The following LY6K variants were observed in gnomAD, a reference collection of about 807,000 sequenced individuals.
The protein encoded by LY6K is lymphocyte antigen 6 family member K, also known as lymphocyte antigen 6K.
LY6K carries 9 observed loss-of-function variants against 10.4 expected under a neutral mutation model. The observed-to-expected ratio is 0.87, with a 90% CI of 0.52 to 1.52. The LOEUF is 1.52. Ranked by LOEUF, LY6K falls within the 40% of genes most tolerant of loss-of-function variation. The probability of loss-of-function intolerance (pLI) is 0.00; values close to 1 mark genes in which losing one functional copy is unlikely to be tolerated. For missense variants in LY6K, 217 were observed against 211.7 expected, an observed-to-expected ratio of 1.02 and a Z score of -0.15; for synonymous variants, 98 against 83.7, an observed-to-expected ratio of 1.17 and a Z score of -0.94.
intron 2 of LY6K, chr8:142,702,381 T>A: frequency 1.1e-6 from 1 of 930,576 alleles, no homozygotes; most frequent in African/African-American, 1.6e-5. Flanking sequence ...CAAAGGAGGG[T>A]GCATGCCTTA....
At chr8:142,701,376 C>A (rs1482133093) in intron 1 of LY6K, among the ~76,000 whole-genome samples, 1 of 152,186 alleles carries the variant, frequency 6.6e-6, no homozygotes, top group Non-Finnish European at 1.5e-5. Context: ...AGGGCACTTA[C>A]AATCATGGGG....
chr8:142,700,542 C>A lies in LY6K; in HGVS notation c.15C>A (p.Ala5=). 1 of 1,583,978 alleles carries A rather than the reference C, an allele frequency of 6.3e-7. No homozygotes were observed. The highest frequency in any genetic ancestry group is 8.6e-7 in the Non-Finnish European group (1 of 1,167,438). Residue 5 remains alanine, a synonymous_variant, in exon 1 of 3, where the codon GCC becomes GCA. Coordinates refer to ENST00000292430, the MANE Select transcript of LY6K (RefSeq NM_017527.4). MALL[A]LLLVVALPRV... The stretch of plus-strand genomic sequence containing the variant: ...CGCTGGGGACGATGGCGCTGCTCGC[C>A]TTGCTGCTGGTCGTGGCCCTACCGC...
chr8:142,701,830 T>C, intron 2 of LY6K, 117 bp downstream of exon 2: 1 of 686,494 alleles, frequency 1.5e-6, no homozygotes, highest in South Asian at 1.7e-5. Context: ...GCCTTTTTTT[T>C]TTTTTATTTT....
chr8:142,700,588 C>G lies in LY6K; in HGVS notation c.61C>G (p.Leu21Val). Residue 21 changes from leucine (L) to valine (V), a missense_variant, in exon 1 of 3, where the codon CTG (leucine) becomes GTG (valine). Leu to Val is a conservative substitution (Grantham distance 32). Coordinates refer to ENST00000292430, the MANE Select transcript of LY6K (RefSeq NM_017527.4). ...ALPRVWTDAN[L>V]TARQRDPEDS... ...ACCGCGGGTGTGGACAGACGCCAAC[C>G]TGACTGCGAGACAACGAGATCCAGA... The G allele has an allele frequency of 2.5e-6, 4 of 1,579,196 alleles. No homozygotes were observed. The highest frequency in any genetic ancestry group is 3.4e-6 in the Non-Finnish European group (4 of 1,165,186).
At chr8:142,702,021 T>A in intron 2 of LY6K, 1 of 308,408 alleles carries the variant, frequency 3.2e-6, no homozygotes, top group Non-Finnish European at 6.1e-6. Context: ...TTGGTCAGGC[T>A]GGTCTCGAAC....
In LY6K at chr8:142,704,295, G is replaced by A. The variant is rs1255527343; in HGVS notation, c.*924G>A. The A allele has an allele frequency of 2.0e-5, 3 of 152,302 alleles. No homozygotes were observed. The highest frequency in any genetic ancestry group is 6.8e-3 in the Middle Eastern group (2 of 294). 9.4% of individuals were successfully genotyped at this position (152,302 alleles called of 1,614,324 possible). The stretch of plus-strand genomic sequence containing the variant: ...CATCCCTAAAGAATTGGGCACCCTG[G>A]GAATTTAACCATGCCACTTCAGTCT... On this transcript the variant is annotated 3_prime_UTR_variant, in exon 3 of 3. Coordinates refer to ENST00000292430, the MANE Select transcript of LY6K (RefSeq NM_017527.4).
Position 142,703,008 on chromosome 8 carries a change from A to G in LY6K, c.218-83A>G, listed in dbSNP as rs781922200. 37 of 1,584,434 alleles carry G rather than the reference A, an allele frequency of 2.3e-5. No individual in the cohort carries two copies. In the African/African-American group the frequency reaches 3.9e-4, roughly 17 times the overall value. On this transcript the variant is annotated intron_variant, in intron 2 of 2. Coordinates refer to ENST00000292430, the MANE Select transcript of LY6K (RefSeq NM_017527.4). The stretch of plus-strand genomic sequence containing the variant: ...CCTTTGAGCAGGGCCGCCAGGGGTG[A>G]GGCTTTGACCCAGACAGAAGGGCCT...
Position 142,700,165 on chromosome 8 carries a change from G to A in LY6K, c.-363G>A, listed in dbSNP as rs1340905914. The A allele has an allele frequency of 2.0e-5, 5 of 249,600 alleles. No individual in the cohort carries two copies. The highest frequency in any genetic ancestry group is 3.4e-5 in the Non-Finnish European group (5 of 146,070). 15.5% of individuals were successfully genotyped at this position (249,600 alleles called of 1,614,324 possible). A position where few individuals can be genotyped will look rare whatever the true frequency, so the allele number is the denominator to read the frequency against. On this transcript the variant is annotated 5_prime_UTR_variant, in exon 1 of 3. Transcript: ENST00000292430. ...AGCGGAGAAGATCCCCTACCTGGCC[G>A]CCGGCCACTTTCTGTGGGCCGTGGG...
In LY6K at chr8:142,700,595, C is replaced by T; in HGVS notation, c.68C>T (p.Ala23Val). 6.4e-7 allele frequency: 1 copy of T among 1,573,828 alleles called. No homozygotes were observed. Among genetic ancestry groups the T allele is most frequent in the Non-Finnish European group, 8.6e-7 (1 of 1,162,558 alleles). Reference protein sequence around the residue: ...PRVWTDANLTARQRDPEDSQR... With the variant: ...PRVWTDANLTVRQRDPEDSQR... ...GTGTGGACAGACGCCAACCTGACTGCGAGACAACGAGATCCAGAGGACTCC... is the reference window on the plus strand; with the variant it reads ...GTGTGGACAGACGCCAACCTGACTGTGAGACAACGAGATCCAGAGGACTCC... Residue 23 changes from alanine to valine, a missense_variant, in exon 1 of 3, where the codon GCG becomes GTG. Transcript: ENST00000292430.
In LY6K at chr8:142,704,925, T is replaced by C. The variant is rs1554640706; in HGVS notation, c.*1554T>C. The C allele has an allele frequency of 1.3e-5, 2 of 152,220 alleles. No homozygotes were observed. The highest frequency in any genetic ancestry group is 2.9e-5 in the Non-Finnish European group (2 of 68,040). The allele number at this position is 152,220 out of a possible 1,614,324, so 9.4% of individuals were successfully genotyped here. A position where few individuals can be genotyped will look rare whatever the true frequency, so the allele number is the denominator to read the frequency against. On this transcript the variant is annotated 3_prime_UTR_variant, in exon 3 of 3. Coordinates refer to ENST00000292430, the MANE Select transcript of LY6K (RefSeq NM_017527.4). Reference sequence around the variant, plus strand: ...GTGGACAGTTTACTCAACTTTAATTTCAGTCAGAATTGTGTAAGCTGAACA... The same window carrying C: ...GTGGACAGTTTACTCAACTTTAATTCCAGTCAGAATTGTGTAAGCTGAACA...
chr8:142,702,386 G>A, intron 2 of LY6K: 1 of 1,024,370 alleles, frequency 9.8e-7, no homozygotes, highest in Non-Finnish European at 1.5e-6. Flanking sequence ...GAGGGTGCAT[G>A]CCTTAAAAAT....
At chr8:142,701,255 A>C (rs1034793522) in intron 1 of LY6K, among the ~76,000 whole-genome samples, 25 of 152,344 alleles carry the variant, frequency 1.6e-4, no homozygotes, top group African/African-American at 5.8e-4. Flanking sequence ...AAAATCACTC[A>C]GAATGTAAAG....
At chr8:142,702,757 G>A in intron 2 of LY6K, 1 of 1,484,262 alleles carries the variant, frequency 6.7e-7, no homozygotes, top group Non-Finnish European at 9.0e-7. Flanking sequence ...TGGCCAGAAT[G>A]GCTGGGAGTC....
chr8:142,702,347 G>C, intron 2 of LY6K: 1 of 672,612 alleles, frequency 1.5e-6, no homozygotes. Flanking sequence ...CAAAACCAAG[G>C]TGTACAGCCT....
chr8:142,703,623 G>GT lies in LY6K; in HGVS notation c.*253dup. 1 of 511,978 alleles carries GT rather than the reference G, an allele frequency of 2.0e-6. No individual in the cohort carries two copies. Among genetic ancestry groups the GT allele is most frequent in the South Asian group, 2.8e-5 (1 of 35,304 alleles). 31.7% of individuals were successfully genotyped at this position (511,978 alleles called of 1,614,324 possible). On this transcript the variant is annotated 3_prime_UTR_variant, in exon 3 of 3. Coordinates refer to ENST00000292430, the MANE Select transcript of LY6K (RefSeq NM_017527.4). ...GTTTTTCTCTTTGAAATCAAACCTTGTAACTCATTTATTGCTGATGGCCAC... is the reference window on the plus strand; with the variant it reads ...GTTTTTCTCTTTGAAATCAAACCTTGTTAACTCATTTATTGCTGATGGCCAC...
In LY6K at chr8:142,700,587, C is replaced by T; in HGVS notation, c.60C>T (p.Asn20=). The change falls in exon 1 of 3, where the codon AAC becomes AAT. Residue 20 remains asparagine, a synonymous_variant. Coordinates refer to ENST00000292430, the MANE Select transcript of LY6K (RefSeq NM_017527.4). ...VALPRVWTDA[N]LTARQRDPED... ...TACCGCGGGTGTGGACAGACGCCAACCTGACTGCGAGACAACGAGATCCAG... is the reference window on the plus strand; with the variant it reads ...TACCGCGGGTGTGGACAGACGCCAATCTGACTGCGAGACAACGAGATCCAG... 1 of 1,579,710 alleles carries T rather than the reference C, an allele frequency of 6.3e-7. No homozygotes were observed. Among genetic ancestry groups the T allele is most frequent in the South Asian group, 1.2e-5 (1 of 86,942 alleles).
At position 142,703,529 on chromosome 8, in the gene LY6K, A is replaced by T. The variant is rs1192343961; in HGVS notation, c.*158A>T. 7 of 812,176 alleles carry T rather than the reference A, an allele frequency of 8.6e-6. No individual in the cohort carries two copies. Among genetic ancestry groups the T allele is most frequent in the Non-Finnish European group, 1.3e-5 (7 of 532,790 alleles). The allele number at this position is 812,176 out of a possible 1,614,324, so 50.3% of individuals were successfully genotyped here. A position where few individuals can be genotyped will look rare whatever the true frequency, so the allele number is the denominator to read the frequency against. On this transcript the variant is annotated 3_prime_UTR_variant, in exon 3 of 3. Transcript: ENST00000292430. ...GGGGATCAGGTGCAGTTGGCTCTTA[A>T]CCCTCAAGGGTTCTTTAACTCACAT... is the stretch of plus-strand genomic sequence containing the variant.
Position 142,700,282 on chromosome 8 carries a change from C to T in LY6K, c.-246C>T. 2.5e-6 allele frequency: 3 copies of T among 1,202,708 alleles called. No individual in the cohort carries two copies. Among genetic ancestry groups the T allele is most frequent in the Non-Finnish European group, 3.1e-6 (3 of 960,500 alleles). 74.5% of individuals were successfully genotyped at this position (1,202,708 alleles called of 1,614,324 possible). A position where few individuals can be genotyped will look rare whatever the true frequency, so the allele number is the denominator to read the frequency against. ...GCGCCCGTTCCTGCCTGGCCGCCGG[C>T]CGCTCCAACAGCAGCACAAGGCGGG... On this transcript the variant is annotated 5_prime_UTR_variant, in exon 1 of 3. Coordinates refer to ENST00000292430, the MANE Select transcript of LY6K (RefSeq NM_017527.4).
In LY6K at chr8:142,703,649, T is replaced by C. The variant is rs1454217670; in HGVS notation, c.*278T>C. 4.6e-6 allele frequency: 2 copies of C among 438,784 alleles called. No individual in the cohort carries two copies. The highest frequency in any genetic ancestry group is 8.2e-6 in the Non-Finnish European group (2 of 244,366). The allele number at this position is 438,784 out of a possible 1,614,324, so 27.2% of individuals were successfully genotyped here. On this transcript the variant is annotated 3_prime_UTR_variant, in exon 3 of 3. Transcript: ENST00000292430. Reference sequence around the variant, plus strand: ...TAACTCATTTATTGCTGATGGCCACTCTTTTCCTTGACTCCCCTCTGCCTC... The same window carrying C: ...TAACTCATTTATTGCTGATGGCCACCCTTTTCCTTGACTCCCCTCTGCCTC...
Sources: gnomAD v4.1 joint callset for allele counts (sites outside exome capture counted in the v4.1 genomes callset) on GRCh38, gnomAD v4.1.1 for gene constraint, MANE v1.5 for transcripts, NCBI Gene and HGNC (gene_info 2026-07-23, HGNC 2026-07-21) for gene names.